The following BANK1 variants were observed in gnomAD, a reference collection of about 807,000 sequenced individuals.
The protein encoded by BANK1 is B cell scaffold protein with ankyrin repeats 1, also known as B-cell scaffold protein with ankyrin repeats.
A neutral mutation model predicts 94.5 loss-of-function variants in BANK1; 95 were observed. That is an observed-to-expected ratio of 1.00 (90% CI 0.85 to 1.19). The LOEUF (loss-of-function observed/expected upper bound fraction) is 1.19. BANK1 is among the 50% of genes most tolerant of loss of function. The pLI is 0.00. For missense variants in BANK1, 987 were observed against 932.2 expected, an observed-to-expected ratio of 1.06 and a Z score of -0.77; for synonymous variants, 334 against 308.4, an observed-to-expected ratio of 1.08 and a Z score of -0.87.
intron 10 of BANK1, chr4:102,036,825 C>T (rs1461862186): frequency 1.3e-5 from 2 of 152,188 alleles, no homozygotes; most frequent in African/African-American, 4.8e-5. Flanking sequence ...CTGAGAAGTG[C>T]TTTGCAGACC....
rs138120627 is a variant in BANK1, at chr4:101,813,907, A to G, written c.71-15901A>G. The G allele has an allele frequency of 4.7e-5, 46 of 985,124 alleles. No individual in the cohort carries two copies. The African/African-American group carries it at 7.7e-4, about 16-fold the overall frequency. 61.0% of individuals were successfully genotyped at this position (985,124 alleles called of 1,614,324 possible). A position where few individuals can be genotyped will look rare whatever the true frequency, so the allele number is the denominator to read the frequency against. On this transcript the variant is annotated intron_variant, in intron 1 of 16. Transcript: ENST00000322953. ...TGCTTGCTGGTTTTGCTTGCATCTG[A>G]TGAGTAGAAATTCAGCCTATTCTTT...
intron 7 of BANK1, among the ~76,000 whole-genome samples, chr4:101,975,319 C>A (rs1207849332): frequency 6.6e-6 from 1 of 152,172 alleles, no homozygotes; most frequent in Non-Finnish European, 1.5e-5. Context: ...TATTTAACTT[C>A]ATCAGATCTC....
At chr4:101,804,746 G>A (rs1578326588) in intron 1 of BANK1, among the ~76,000 whole-genome samples, 1 of 152,048 alleles carries the variant, frequency 6.6e-6, no homozygotes, top group East Asian at 1.9e-4. Flanking sequence ...TTACTTTATT[G>A]TAAGAATATA....
chr4:102,050,239 A>ATTTG (rs1232453866), intron 11 of BANK1, among the ~76,000 whole-genome samples: 3 of 152,168 alleles, frequency 2.0e-5, no homozygotes, highest in African/African-American at 7.2e-5. Flanking sequence ...TTGCCTCCAA[A>ATTTG]GAGGCAAGAA....
At chr4:101,905,487 A>G (rs758853064) in intron 6 of BANK1, among the ~76,000 whole-genome samples, 5 of 152,116 alleles carry the variant, frequency 3.3e-5, no homozygotes, top group African/African-American at 9.7e-5. Flanking sequence ...GATTAGCCCA[A>G]TGTTTTCCTT....
intron 7 of BANK1, among the ~76,000 whole-genome samples, chr4:102,020,797 G>A (rs1726867915): frequency 1.3e-5 from 2 of 152,086 alleles, no homozygotes; most frequent in Admixed American, 1.3e-4. Context: ...CATCCTATGT[G>A]AAATCCAGTC....
intron 7 of BANK1, among the ~76,000 whole-genome samples, chr4:101,936,234 A>G (rs986399994): frequency 7.3e-6 from 1 of 136,772 alleles, no homozygotes; most frequent in Non-Finnish European, 1.6e-5. Flanking sequence ...CACATATATG[A>G]TATGTATACA....
intron 5 of BANK1, among the ~76,000 whole-genome samples, chr4:101,883,109 T>C (rs1041068982): frequency 2.6e-5 from 4 of 152,194 alleles, no homozygotes; most frequent in Admixed American, 6.5e-5. Flanking sequence ...ATTTTACTGA[T>C]AACATAAGTG....
rs781490740 is a variant in BANK1 at position 101,992,688 on chromosome 4, A to G, written c.1207-28826A>G. Among the ~76,000 whole-genome samples the G allele has an allele frequency of 7.8e-4, 119 of 152,326 alleles. No individual in the cohort carries two copies. The Middle Eastern group carries it at 0.02, about 26-fold the overall frequency. On this transcript the variant is annotated intron_variant, in intron 7 of 16. Coordinates refer to ENST00000322953, the MANE Select transcript of BANK1 (RefSeq NM_017935.5). ...CTGGCTTCATTTAAATTGCAAATAA[A>G]TAAAGAACAAGATGATACATTTCCC...
intron 7 of BANK1, among the ~76,000 whole-genome samples, chr4:101,983,369 G>C (rs1725381886): frequency 6.6e-6 from 1 of 152,050 alleles, no homozygotes; most frequent in African/African-American, 2.4e-5. Flanking sequence ...ACCTGGACTT[G>C]AATCTTGTCT....
At chr4:101,886,893 G>A (rs573932771) in intron 5 of BANK1, among the ~76,000 whole-genome samples, 17 of 152,112 alleles carry the variant, frequency 1.1e-4, no homozygotes, top group African/African-American at 4.1e-4. Flanking sequence ...TGATTGATGG[G>A]GATGCTAGTC....
At chr4:101,967,772 T>C (rs1724813461) in intron 7 of BANK1, among the ~76,000 whole-genome samples, 1 of 151,854 alleles carries the variant, frequency 6.6e-6, no homozygotes, top group Non-Finnish European at 1.5e-5. Flanking sequence ...CAATCTGAAG[T>C]AGCAAGTATA....
At chr4:101,991,754 A>C (rs1725715246) in intron 7 of BANK1, among the ~76,000 whole-genome samples, 1 of 152,198 alleles carries the variant, frequency 6.6e-6, no homozygotes, top group African/African-American at 2.4e-5. Flanking sequence ...CAGCAAGTAG[A>C]ACTTTTCAAA....
intron 11 of BANK1, among the ~76,000 whole-genome samples, chr4:102,052,471 C>G (rs1054432261): frequency 6.6e-6 from 1 of 151,622 alleles, no homozygotes; most frequent in Admixed American, 6.5e-5. Context: ...AAAACTACTC[C>G]AGAAGAAGGG....
At chr4:101,966,331 C>G (rs1724754638) in intron 7 of BANK1, among the ~76,000 whole-genome samples, 1 of 151,920 alleles carries the variant, frequency 6.6e-6, no homozygotes, top group South Asian at 2.1e-4. Flanking sequence ...TATTAAGCCT[C>G]CTTTCAATGC....
chr4:101,801,540 T>G (rs949094911), intron 1 of BANK1, among the ~76,000 whole-genome samples: 1 of 152,224 alleles, frequency 6.6e-6, no homozygotes, highest in African/African-American at 2.4e-5. Context: ...TGAGCAAAAT[T>G]CACAGTTCCT....
At chr4:101,874,076 G>A (rs1315282114) in intron 5 of BANK1, among the ~76,000 whole-genome samples, 1 of 151,952 alleles carries the variant, frequency 6.6e-6, no homozygotes, top group Non-Finnish European at 1.5e-5. Context: ...TTAGTAAAAA[G>A]GTATCTTTGT....
chr4:102,050,634 C>T (rs946333140), intron 11 of BANK1, among the ~76,000 whole-genome samples: 2 of 152,102 alleles, frequency 1.3e-5, no homozygotes, highest in African/African-American at 4.8e-5. Flanking sequence ...ACCATGCTTC[C>T]TGAAATATTC....
intron 7 of BANK1, among the ~76,000 whole-genome samples, chr4:102,003,041 G>A (rs916047775): frequency 1.3e-5 from 2 of 152,176 alleles, no homozygotes; most frequent in Admixed American, 1.3e-4. Context: ...GATTACAGGT[G>A]TGAGCTACCG....
Sources: allele counts gnomAD v4.1 joint callset (sites outside exome capture counted in the v4.1 genomes callset), GRCh38; gene constraint gnomAD v4.1.1; transcripts MANE v1.5; gene names NCBI Gene and HGNC (gene_info 2026-07-23, HGNC 2026-07-21).